Variants in PATJ observed in about 807,000 individuals in gnomAD.
PATJ encodes the protein inaD-like protein.
PATJ carries 190 observed loss-of-function variants against 224.9 expected under a neutral mutation model. That is an observed-to-expected ratio of 0.84 (90% CI 0.75 to 0.95). The LOEUF (loss-of-function observed/expected upper bound fraction) is 0.95. PATJ is among the 40% of genes least tolerant of loss of function. The pLI, the probability that PATJ is intolerant of heterozygous loss-of-function variation, is 0.00. For missense variants in PATJ, 2,121 were observed against 2,270.3 expected (o/e 0.93, Z 1.34); for synonymous variants, 769 against 820.3 (o/e 0.94, Z 1.07).
At chr1:61,829,814 A>G (rs1420115625) in intron 16 of PATJ, among the ~76,000 whole-genome samples, 1 of 152,218 alleles carries the variant, frequency 6.6e-6, no homozygotes. Context: ...TCTAATACTC[A>G]TTAATCAGTG....
chr1:61,780,986 A>G (rs1354328327), intron 7 of PATJ, among the ~76,000 whole-genome samples: 1 of 152,204 alleles, frequency 6.6e-6, no homozygotes, highest in Non-Finnish European at 1.5e-5. Flanking sequence ...TACGCCAGAC[A>G]TTGTTATCTG....
chr1:61,978,496 C>T (rs573186907), intron 27 of PATJ, among the ~76,000 whole-genome samples: 2 of 152,094 alleles, frequency 1.3e-5, no homozygotes, highest in Admixed American at 1.3e-4. Flanking sequence ...AACTCCCAAC[C>T]TCAGGTGATC....
chr1:61,822,977 G>C lies in PATJ; in HGVS notation c.1716G>C (p.Val572=), dbSNP rs1250333899. The change falls in exon 15 of 44, where the codon GTG becomes GTC. Residue 572 remains valine, a synonymous_variant. Coordinates refer to ENST00000642238, the MANE Select transcript of PATJ (RefSeq NM_001350145.3). ...LLPIHTLRLG[V]EVDSFDGHHY... ...CTATTCACACTCTGAGGCTTGGTGT[G>C]GAAGTGGATTCCTTTGATGGGCACC... 1 of 1,613,950 alleles carries C rather than the reference G, an allele frequency of 6.2e-7. No homozygotes were observed. Among genetic ancestry groups the C allele is most frequent in the Admixed American group, 1.7e-5 (1 of 59,992 alleles).
At chr1:62,006,927 A>G (rs190231641) in intron 28 of PATJ, among the ~76,000 whole-genome samples, 1 of 152,316 alleles carries the variant, frequency 6.6e-6, no homozygotes, top group African/African-American at 2.4e-5. Flanking sequence ...GTATAAGGCT[A>G]TTGTTCCCAG....
In PATJ at chr1:62,106,156, GTGTA is replaced by G. The variant is rs1342595518; in HGVS notation, c.4378-2279_4378-2276del. Among the ~76,000 whole-genome samples the G allele has an allele frequency of 4.4e-3, 243 of 54,830 alleles. 11 individuals carry two copies. In the East Asian group the frequency reaches 0.049, roughly 11 times the overall value. The allele number at this position is 54,830 out of a possible 152,430, so 36.0% of individuals were successfully genotyped here. A position where few individuals can be genotyped will look rare whatever the true frequency, so the allele number is the denominator to read the frequency against. ...TATACATGTGTATATGTGTGTGTGT[GTGTA>G]TATATATATATATATATATATATAT... is the stretch of plus-strand genomic sequence containing the variant. On this transcript the variant is annotated intron_variant, in intron 33 of 43. Coordinates refer to ENST00000642238, the MANE Select transcript of PATJ (RefSeq NM_001350145.3).
intron 28 of PATJ, among the ~76,000 whole-genome samples, chr1:62,008,378 A>G (rs1569970740): frequency 6.6e-6 from 1 of 152,342 alleles, no homozygotes; most frequent in East Asian, 1.9e-4. Context: ...TTAGTGATAT[A>G]GAAATTGAGA....
Position 61,892,503 on chromosome 1 carries a change from A to AC in PATJ, c.3132-7073dup, listed in dbSNP as rs971002550. 1.5e-3 allele frequency among the ~76,000 whole-genome samples: 228 copies of AC among 151,900 alleles called. 1 individual carries two copies. Among genetic ancestry groups the AC allele is most frequent in the African/African-American group, 4.6e-3 (192 of 41,408 alleles). Reference sequence around the variant, plus strand: ...CTCATGGGGTACTCTATCTCCACCCACCCCCCCAAATCTGTAAAGAATTAT... The same window carrying AC: ...CTCATGGGGTACTCTATCTCCACCCACCCCCCCCAAATCTGTAAAGAATTAT... On this transcript the variant is annotated intron_variant, in intron 22 of 43. Coordinates refer to ENST00000642238, the MANE Select transcript of PATJ (RefSeq NM_001350145.3).
At chr1:61,907,858 CAT>C (rs1044776485) in intron 24 of PATJ, among the ~76,000 whole-genome samples, 1 of 152,210 alleles carries the variant, frequency 6.6e-6, no homozygotes, top group African/African-American at 2.4e-5. Flanking sequence ...TTATTGAACA[CAT>C]AAATAGTTTT....
chr1:62,160,969 A>T lies in PATJ; in HGVS notation c.5564A>T (p.Glu1855Val), dbSNP rs754918338. The stretch of plus-strand genomic sequence containing the variant: ...GATCAGATTTTAGCTGTTAATGGCG[A>T]GACCCTGGAAGGTGTTACTCATGAG... ...RGDQILAVNG[E>V]TLEGVTHEQA... Residue 1855 changes from glutamate (E) to valine (V), a missense_variant, in exon 44 of 44, where the codon GAG becomes GTG. Transcript: ENST00000642238. The T allele has an allele frequency of 6.2e-7, 1 of 1,613,682 alleles. No homozygotes were observed. Among genetic ancestry groups the T allele is most frequent in the African/African-American group, 1.3e-5 (1 of 74,908 alleles).
At chr1:62,014,693 A>C (rs1018797606) in intron 28 of PATJ, among the ~76,000 whole-genome samples, 6 of 150,800 alleles carry the variant, frequency 4.0e-5, no homozygotes, top group African/African-American at 1.5e-4. Flanking sequence ...CAGCCTCCCA[A>C]GTAGCTGGGA....
chr1:62,143,114 C>T (rs1667662999), intron 41 of PATJ, among the ~76,000 whole-genome samples: 2 of 151,952 alleles, frequency 1.3e-5, no homozygotes, highest in Admixed American at 1.3e-4. Flanking sequence ...ATCCAGGGGA[C>T]TTGATGGATT....
chr1:62,123,059 G>C lies in PATJ; in HGVS notation c.5043+1G>C. On this transcript the variant is annotated splice_donor_variant, in intron 39 of 43. Transcript: ENST00000642238. LOFTEE classifies it high-confidence loss of function. ...ACCAAGGACTGTTGAGATAAACAGG[G>C]TAAGTCAGTCATTTTGCTGTATGTA... The C allele has an allele frequency of 6.3e-7, 1 of 1,592,318 alleles. No individual in the cohort carries two copies. Among genetic ancestry groups the C allele is most frequent in the Non-Finnish European group, 8.6e-7 (1 of 1,165,878 alleles).
intron 27 of PATJ, among the ~76,000 whole-genome samples, chr1:61,958,118 G>C (rs143132309): frequency 5.9e-5 from 9 of 152,134 alleles, no homozygotes; most frequent in African/African-American, 1.9e-4. Flanking sequence ...TTTTTCCTTT[G>C]TGTAAGATTG....
At chr1:61,952,038 G>T in intron 27 of PATJ, 1 of 261,472 alleles carries the variant, frequency 3.8e-6, no homozygotes, top group Non-Finnish European at 7.3e-6. Flanking sequence ...CCTGAGGCGA[G>T]CAGGGTAACT....
At chr1:62,128,124 CAA>C in intron 40 of PATJ, 30 bp downstream of exon 40, 1 of 1,613,472 alleles carries the variant, frequency 6.2e-7, no homozygotes, top group Non-Finnish European at 8.5e-7. Flanking sequence ...GAAAGACTAA[CAA>C]TATGTGTTGG....
At chr1:61,952,811 A>G (rs1679910439) in intron 27 of PATJ, among the ~76,000 whole-genome samples, 1 of 152,220 alleles carries the variant, frequency 6.6e-6, no homozygotes, top group Admixed American at 6.5e-5. Flanking sequence ...ACTTCACCAT[A>G]ATAAAAAGGG....
chr1:62,104,580 AAAAC>A (rs762997505), intron 33 of PATJ, among the ~76,000 whole-genome samples: 7 of 152,208 alleles, frequency 4.6e-5, no homozygotes, highest in African/African-American at 9.7e-5. Context: ...AATTAAACAC[AAAAC>A]AAACAAACAA....
intron 33 of PATJ, among the ~76,000 whole-genome samples, chr1:62,088,552 T>C (rs1660321738): frequency 6.6e-6 from 1 of 152,132 alleles, no homozygotes; most frequent in African/African-American, 2.4e-5. Context: ...CTCTCTACCA[T>C]TTACTAGCTG....
chr1:62,053,455 C>G (rs1654001312), intron 31 of PATJ, among the ~76,000 whole-genome samples: 1 of 152,172 alleles, frequency 6.6e-6, no homozygotes, highest in South Asian at 2.1e-4. Flanking sequence ...CACAGTGGCT[C>G]ACGCCTGTAA....
Sources: gnomAD v4.1 joint callset for allele counts (sites outside exome capture counted in the v4.1 genomes callset) on GRCh38, gnomAD v4.1.1 for gene constraint, MANE v1.5 for transcripts, NCBI Gene and HGNC (gene_info 2026-07-23, HGNC 2026-07-21) for gene names.